The following SIPA1L1 variants were observed in gnomAD, a reference collection of about 807,000 sequenced individuals.
SIPA1L1 encodes the protein signal induced proliferation associated 1 like 1, also known as signal-induced proliferation-associated 1-like protein 1.
Under a neutral mutation model 162.7 loss-of-function variants are expected in SIPA1L1, and 26 were observed. The ratio of observed to expected loss-of-function variants is 0.16; its 90% CI spans 0.12 to 0.22. The LOEUF is 0.22. SIPA1L1 is among the 10% of genes least tolerant of loss of function. SIPA1L1 has a pLI of 1.00. For missense variants in SIPA1L1, 1,874 were observed against 2,241.0 expected (o/e 0.84, Z 3.31); for synonymous variants, 829 against 837.4 (o/e 0.99, Z 0.17).
intron 2 of SIPA1L1, among the ~76,000 whole-genome samples, chr14:71,460,723 G>A (rs769325868): frequency 1.4e-4 from 21 of 152,178 alleles, no homozygotes; most frequent in Non-Finnish European, 3.1e-4. Flanking sequence ...AGGGGTGATG[G>A]TGAGTGGTAC....
intron 4 of SIPA1L1, among the ~76,000 whole-genome samples, chr14:71,534,207 G>C (rs1375200667): frequency 6.6e-6 from 1 of 152,174 alleles, no homozygotes; most frequent in Non-Finnish European, 1.5e-5. Flanking sequence ...TAAGCCAAGA[G>C]ACCATGCCTT....
At chr14:71,683,388 G>T (rs2045983447) in intron 12 of SIPA1L1, among the ~76,000 whole-genome samples, 1 of 152,164 alleles carries the variant, frequency 6.6e-6, no homozygotes. Context: ...GAGCATTGCT[G>T]AGGAGAAGCA....
At chr14:71,694,726 A>G (rs1257056146) in intron 13 of SIPA1L1, among the ~76,000 whole-genome samples, 3 of 152,272 alleles carry the variant, frequency 2.0e-5, no homozygotes, top group Admixed American at 2.0e-4. Flanking sequence ...TCTCACAGCA[A>G]TTGAAAGAGG....
chr14:71,429,746 G>A (rs2043844938), intron 2 of SIPA1L1, among the ~76,000 whole-genome samples: 2 of 152,246 alleles, frequency 1.3e-5, no homozygotes, highest in South Asian at 4.1e-4. Flanking sequence ...TGGAGAAATG[G>A]TACAGGATAG....
intron 2 of SIPA1L1, among the ~76,000 whole-genome samples, chr14:71,393,763 G>A (rs891424788): frequency 2.6e-5 from 4 of 152,200 alleles, no homozygotes; most frequent in African/African-American, 9.7e-5. Flanking sequence ...CAAGACTGCA[G>A]TGAGCCATGA....
At chr14:71,700,136 G>C (rs1316633331) in intron 14 of SIPA1L1, among the ~76,000 whole-genome samples, 1 of 151,628 alleles carries the variant, frequency 6.6e-6, no homozygotes, top group African/African-American at 2.4e-5. Context: ...CCAAAGCAGA[G>C]TTTAAGGATA....
Position 71,685,584 on chromosome 14 carries a change from C to T in SIPA1L1, c.3327C>T (p.Ala1109=), listed in dbSNP as rs753841377. The T allele has an allele frequency of 2.5e-6, 4 of 1,614,076 alleles. No individual in the cohort carries two copies. Among genetic ancestry groups the T allele is most frequent in the Non-Finnish European group, 3.4e-6 (4 of 1,180,060 alleles). The stretch of plus-strand genomic sequence containing the variant: ...AGATGCCTCCTCCAGAAAGAGCCGC[C>T]AACATCCCTCGAAGCATCTCCAGTG... ...DGKMPPPERA[A]NIPRSISSDG... Residue 1109 remains alanine, a synonymous_variant, in exon 13 of 24, where the codon GCC becomes GCT. Coordinates refer to ENST00000381232, the MANE Select transcript of SIPA1L1 (RefSeq NM_001386936.1).
At chr14:71,490,305 C>G (rs1048751980) in intron 2 of SIPA1L1, among the ~76,000 whole-genome samples, 1 of 152,072 alleles carries the variant, frequency 6.6e-6, no homozygotes, top group Admixed American at 6.5e-5. Context: ...CTGGGCACCA[C>G]TTTTCTTGTA....
chr14:71,540,313 A>G (rs1335092391), intron 4 of SIPA1L1, among the ~76,000 whole-genome samples: 3 of 152,186 alleles, frequency 2.0e-5, no homozygotes, highest in Non-Finnish European at 4.4e-5. Flanking sequence ...TTTCCAGTGC[A>G]TACTGAAATC....
At chr14:71,396,517 TC>T (rs1284778407) in intron 2 of SIPA1L1, among the ~76,000 whole-genome samples, 4 of 152,164 alleles carry the variant, frequency 2.6e-5, no homozygotes, top group African/African-American at 9.7e-5. Context: ...GTGTTTTTTC[TC>T]AGTTCAAGAT....
chr14:71,477,809 T>C (rs2048004009), intron 2 of SIPA1L1, among the ~76,000 whole-genome samples: 1 of 152,136 alleles, frequency 6.6e-6, no homozygotes, highest in African/African-American at 2.4e-5. Context: ...AAAAAGCTAC[T>C]GTGAACATTT....
Position 71,589,299 on chromosome 14 carries a change from G to C in SIPA1L1, c.1427G>C (p.Arg476Thr). The C allele has an allele frequency of 6.2e-7, 1 of 1,614,002 alleles. No homozygotes were observed. The highest frequency in any genetic ancestry group is 8.5e-7 in the Non-Finnish European group (1 of 1,179,882). ...PKENLVLHLDRVKRYIVEHVD... is the reference protein window; with the variant it reads ...PKENLVLHLDTVKRYIVEHVD... ...GAGAACTTGGTGTTGCACCTAGATA[G>C]AGTGAAAAGATACATCGTGGAACAC... Residue 476 changes from arginine (R) to threonine (T), a missense_variant, in exon 5 of 24, where the codon AGA becomes ACA. Physicochemically the swap from Arg to Thr is moderately conservative, Grantham distance 71 (BLOSUM62 -1). This residue lies in a region of SIPA1L1 where 685 missense variants were observed against 828.0 expected (regional missense o/e 0.83). Coordinates refer to ENST00000381232, the MANE Select transcript of SIPA1L1 (RefSeq NM_001386936.1).
At chr14:71,433,162 G>C (rs1381139673) in intron 2 of SIPA1L1, among the ~76,000 whole-genome samples, 1 of 152,184 alleles carries the variant, frequency 6.6e-6, no homozygotes, top group African/African-American at 2.4e-5. Context: ...TGAGTTTCTG[G>C]AGTTAGAGAG....
intron 4 of SIPA1L1, among the ~76,000 whole-genome samples, chr14:71,567,186 G>T (rs2030824804): frequency 1.3e-5 from 2 of 152,172 alleles, no homozygotes; most frequent in Admixed American, 6.5e-5. Context: ...TACAACTTTG[G>T]AGTGAAGTTT....
chr14:71,489,077 A>C (rs900556783), intron 2 of SIPA1L1, among the ~76,000 whole-genome samples: 3 of 152,244 alleles, frequency 2.0e-5, no homozygotes, highest in Non-Finnish European at 4.4e-5. Context: ...CCATTCCACA[A>C]GCAACTTAAA....
chr14:71,532,667 C>A (rs990422781), intron 4 of SIPA1L1, among the ~76,000 whole-genome samples: 6 of 152,314 alleles, frequency 3.9e-5, no homozygotes, highest in African/African-American at 1.4e-4. Context: ...TTGTACTCCT[C>A]TGTAATTGAG....
chr14:71,685,049 G>A (rs150477268), intron 12 of SIPA1L1, among the ~76,000 whole-genome samples: 14 of 152,276 alleles, frequency 9.2e-5, no homozygotes, highest in Non-Finnish European at 2.1e-4. Flanking sequence ...ATGCTGTCCT[G>A]GTGGCCTTTC....
intron 10 of SIPA1L1, among the ~76,000 whole-genome samples, chr14:71,669,210 G>A (rs2044295466): frequency 6.6e-6 from 1 of 152,154 alleles, no homozygotes; most frequent in Non-Finnish European, 1.5e-5. Context: ...ATATGGTAAG[G>A]ATTCAGTTCT....
intron 5 of SIPA1L1, among the ~76,000 whole-genome samples, chr14:71,610,117 T>C (rs760796089): frequency 1.3e-5 from 2 of 152,078 alleles, no homozygotes; most frequent in Non-Finnish European, 2.9e-5. Flanking sequence ...AACTTTAATG[T>C]AATATTAAAC....
Sources: gnomAD v4.1 joint callset for allele counts (sites outside exome capture counted in the v4.1 genomes callset) on GRCh38, gnomAD v4.1.1 for gene constraint, gnomAD v4.1.1 regional missense constraint, MANE v1.5 for transcripts, NCBI Gene and HGNC (gene_info 2026-07-23, HGNC 2026-07-21) for gene names.